IL17RD: variants seen among roughly 807,000 people sequenced by gnomAD.
IL17RD encodes the protein interleukin-17 receptor D.
In IL17RD, 52 loss-of-function variants were observed where a neutral mutation model predicts 80.5. That is an observed-to-expected ratio of 0.65 (90% CI 0.52 to 0.81). IL17RD has a LOEUF of 0.81. Among genes scored for constraint, IL17RD ranks in the 40% least tolerant of loss-of-function variants. IL17RD has a pLI of 0.00. For synonymous variants in IL17RD, 416 were observed against 391.8 expected (o/e 1.06, Z -0.73); for missense variants, 1,024 against 955.1 (o/e 1.07, Z -0.95).
At chr3:57,154,283 T>TATATATATACACACACACAC (rs904157398) in intron 1 of IL17RD, among the ~76,000 whole-genome samples, 8 of 112,906 alleles carry the variant, frequency 7.1e-5, no homozygotes, top group African/African-American at 2.2e-4. Flanking sequence ...TATATATATA[T>TATATATATACACACACACAC]ACACACACAC....
At chr3:57,128,135 T>C (rs1304631214) in intron 1 of IL17RD, among the ~76,000 whole-genome samples, 2 of 152,242 alleles carry the variant, frequency 1.3e-5, no homozygotes, top group Non-Finnish European at 1.5e-5. Flanking sequence ...AAATGAAGGA[T>C]GCCAGCAGTC....
intron 1 of IL17RD, among the ~76,000 whole-genome samples, chr3:57,129,209 A>G (rs558570437): frequency 1.4e-4 from 22 of 152,300 alleles, no homozygotes; most frequent in Admixed American, 3.9e-4. Flanking sequence ...ACAAAGAGGA[A>G]GCAAACAACC....
At chr3:57,108,795 C>A (rs936336344) in intron 5 of IL17RD, among the ~76,000 whole-genome samples, 1 of 151,810 alleles carries the variant, frequency 6.6e-6, no homozygotes, top group African/African-American at 2.4e-5. Context: ...GGATTACAGG[C>A]ATGAGCCACC....
rs547402343 is a variant in IL17RD, at chr3:57,126,515, G to C, written c.127-6202C>G. The stretch of plus-strand genomic sequence containing the variant: ...TACAGAGAGGCCGGCAGCGGAGCAG[G>C]ATCCACAGGCAGCAGCTAGGGGCAG... On this transcript the variant is annotated intron_variant, in intron 1 of 12. Transcript: ENST00000296318. Among the ~76,000 whole-genome samples, 138 of 152,302 alleles carry C rather than the reference G, an allele frequency of 9.1e-4. 1 individual carries two copies. The highest frequency in any genetic ancestry group is 9.8e-4 in the Non-Finnish European group (67 of 68,032).
chr3:57,098,085 G>C lies in IL17RD; in HGVS notation c.1618C>G (p.Arg540Gly). The stretch of plus-strand genomic sequence containing the variant: ...TTGCAAATGGCGACGTATAGGGACC[G>C]GCCTGACTTGCTCCGGAAGTAGTTC... ...RRNYFRSKSG[R>G]SLYVAICNMH... The change falls in exon 12 of 13, where the codon CGG (arginine) becomes GGG (glycine). Residue 540 changes from arginine to glycine, a missense_variant. By Grantham distance (125) the Arg-to-Gly change is moderately radical. Transcript: ENST00000296318. The C allele has an allele frequency of 6.2e-7, 1 of 1,613,980 alleles. No homozygotes were observed. Among genetic ancestry groups the C allele is most frequent in the Non-Finnish European group, 8.5e-7 (1 of 1,179,880 alleles).
intron 1 of IL17RD, among the ~76,000 whole-genome samples, chr3:57,164,663 C>T (rs1042396903): frequency 6.6e-6 from 1 of 152,144 alleles, no homozygotes; most frequent in Admixed American, 6.5e-5. Flanking sequence ...ACTAGAAGAG[C>T]GGGGCGCATC....
intron 1 of IL17RD, among the ~76,000 whole-genome samples, chr3:57,133,176 A>T (rs1439481328): frequency 6.6e-6 from 1 of 152,240 alleles, no homozygotes; most frequent in Non-Finnish European, 1.5e-5. Context: ...CAAGTTTCAA[A>T]GCGTAAAAAA....
intron 5 of IL17RD, among the ~76,000 whole-genome samples, chr3:57,108,847 G>C (rs1180824646): frequency 1.3e-5 from 2 of 151,708 alleles, no homozygotes; most frequent in African/African-American, 4.8e-5. Flanking sequence ...ATGGGGTCTT[G>C]CTATGTTGCC....
chr3:57,151,749 C>G (rs1208962602), intron 1 of IL17RD, among the ~76,000 whole-genome samples: 2 of 152,140 alleles, frequency 1.3e-5, no homozygotes, highest in Non-Finnish European at 2.9e-5. Context: ...CAGCCTACCC[C>G]AGCTGTGACA....
At chr3:57,111,276 A>G (rs1347531121) in intron 3 of IL17RD, among the ~76,000 whole-genome samples, 4 of 152,266 alleles carry the variant, frequency 2.6e-5, no homozygotes, top group African/African-American at 9.6e-5. Flanking sequence ...TCTCTTTCAA[A>G]TAGGTTCTCC....
At chr3:57,113,144 T>G (rs1707135397) in intron 3 of IL17RD, among the ~76,000 whole-genome samples, 1 of 152,222 alleles carries the variant, frequency 6.6e-6, no homozygotes, top group Non-Finnish European at 1.5e-5. Flanking sequence ...TATCTTCAAT[T>G]CATTCAAGAG....
chr3:57,111,710 C>T (rs1476063451), intron 3 of IL17RD, among the ~76,000 whole-genome samples: 1 of 152,026 alleles, frequency 6.6e-6, no homozygotes, highest in Non-Finnish European at 1.5e-5. Context: ...GTGACTCACG[C>T]CTGTAATCCC....
intron 1 of IL17RD, among the ~76,000 whole-genome samples, chr3:57,148,036 G>C (rs1286848600): frequency 2.1e-5 from 3 of 141,894 alleles, no homozygotes; most frequent in Non-Finnish European, 4.5e-5. Flanking sequence ...AATAAAGAAT[G>C]TTGGGCACGG....
chr3:57,117,936 C>G (rs1011830924), intron 2 of IL17RD, among the ~76,000 whole-genome samples: 18 of 152,144 alleles, frequency 1.2e-4, no homozygotes, highest in Non-Finnish European at 7.4e-5. Context: ...AAAGTAATGA[C>G]TAAGAGACAG....
Position 57,165,338 on chromosome 3 carries a change from C to A in IL17RD, c.-52G>T, listed in dbSNP as rs1188309798. On this transcript the variant is annotated 5_prime_UTR_variant, in exon 1 of 13. Transcript: ENST00000296318. The stretch of plus-strand genomic sequence containing the variant: ...TTCTCTGCGCCCCGGCCGCCCGCCG[C>A]TGGCCAGCCCCGAGTGGGCGGTGGC... 1.1e-5 allele frequency: 14 copies of A among 1,246,670 alleles called. No homozygotes were observed. In the South Asian group the frequency reaches 2.5e-4, roughly 22 times the overall value. 77.2% of individuals were successfully genotyped at this position (1,246,670 alleles called of 1,614,324 possible).
chr3:57,120,721 A>T (rs1488215617), intron 1 of IL17RD, among the ~76,000 whole-genome samples: 1 of 152,216 alleles, frequency 6.6e-6, no homozygotes, highest in Non-Finnish European at 1.5e-5. Flanking sequence ...CGCAAGCTCT[A>T]TTAAGCCACG....
chr3:57,144,549 G>A (rs1341515430), intron 1 of IL17RD, among the ~76,000 whole-genome samples: 1 of 152,200 alleles, frequency 6.6e-6, no homozygotes, highest in Non-Finnish European at 1.5e-5. Context: ...TGTACTCTAA[G>A]TCCAGGATCT....
intron 7 of IL17RD, among the ~76,000 whole-genome samples, chr3:57,105,228 T>C (rs1706927225): frequency 6.6e-6 from 1 of 151,838 alleles, no homozygotes; most frequent in South Asian, 2.1e-4. Flanking sequence ...AGAGAGCACA[T>C]GATGAATGCT....
At chr3:57,108,867 C>G (rs551963593) in intron 5 of IL17RD, among the ~76,000 whole-genome samples, 1 of 152,002 alleles carries the variant, frequency 6.6e-6, no homozygotes, top group East Asian at 1.9e-4. Flanking sequence ...CCAGGCTAGC[C>G]TCAAACTCGT....
Sources: gnomAD v4.1 joint callset for allele counts (sites outside exome capture counted in the v4.1 genomes callset) on GRCh38, gnomAD v4.1.1 for gene constraint, MANE v1.5 for transcripts, NCBI Gene and HGNC (gene_info 2026-07-23, HGNC 2026-07-21) for gene names.